CTNNA2: variants seen among roughly 807,000 people sequenced by gnomAD.
CTNNA2 encodes catenin alpha-2.
CTNNA2 carries 42 observed loss-of-function variants against 101.0 expected under a neutral mutation model. The observed-to-expected ratio is 0.42, with a 90% confidence interval of 0.32 to 0.54. The LOEUF (loss-of-function observed/expected upper bound fraction) is 0.54, where lower values mean the gene tolerates loss of function less well. CTNNA2 is among the 20% of genes least tolerant of loss of function. The pLI is 0.14. For missense variants in CTNNA2, 871 were observed against 1,223.1 expected (o/e 0.71, Z 4.29); for synonymous variants, 450 against 456.4 (o/e 0.99, Z 0.18).
intron 3 of CTNNA2, among the ~76,000 whole-genome samples, chr2:79,831,720 G>A (rs576101708): frequency 1.4e-5 from 2 of 147,650 alleles, no homozygotes; most frequent in East Asian, 2.0e-4. Flanking sequence ...TTTTGTTCTC[G>A]GTGTTTATTC....
At chr2:79,726,474 C>T (rs564938495) in intron 2 of CTNNA2, among the ~76,000 whole-genome samples, 18 of 152,186 alleles carry the variant, frequency 1.2e-4, no homozygotes, top group African/African-American at 3.1e-4. Context: ...CATACCAGCA[C>T]GAACCCTATT....
At chr2:80,368,482 T>C (rs1271119705) in intron 7 of CTNNA2, among the ~76,000 whole-genome samples, 2 of 151,772 alleles carry the variant, frequency 1.3e-5, no homozygotes, top group Non-Finnish European at 2.9e-5. Context: ...GAATGCACTA[T>C]ACACAGATGC....
chr2:80,506,008 CA>C, intron 9 of CTNNA2, among the ~76,000 whole-genome samples: 2 of 152,152 alleles, frequency 1.3e-5, no homozygotes, highest in East Asian at 3.9e-4. Flanking sequence ...CACGTATTCC[CA>C]AAAAAGTTAC....
chr2:79,881,345 G>A lies in CTNNA2; in HGVS notation c.852+7003G>A, dbSNP rs531539895. 5.9e-5 allele frequency among the ~76,000 whole-genome samples: 9 copies of A among 152,300 alleles called. No individual in the cohort carries two copies. The South Asian group carries it at 1.9e-3, about 32-fold the overall frequency. ...TTAGGTACACTTGATCCAGAGCTGA[G>A]TTCAGTCCTGAATATCTTTGTTAAT... is the stretch of plus-strand genomic sequence containing the variant. On this transcript the variant is annotated intron_variant, in intron 6 of 18. Coordinates refer to ENST00000402739, the MANE Select transcript of CTNNA2 (RefSeq NM_001282597.3).
intron 3 of CTNNA2, among the ~76,000 whole-genome samples, chr2:79,838,769 C>T (rs1454120563): frequency 6.6e-6 from 1 of 151,928 alleles, no homozygotes; most frequent in Non-Finnish European, 1.5e-5. Flanking sequence ...ATTGAAAATA[C>T]TGATGAGATT....
chr2:80,631,734 T>C (rs1672316806), intron 18 of CTNNA2, among the ~76,000 whole-genome samples: 2 of 152,214 alleles, frequency 1.3e-5, no homozygotes, highest in Non-Finnish European at 2.9e-5. Flanking sequence ...CAGTTGGAAC[T>C]GTGGTATATT....
intron 16 of CTNNA2, chr2:80,605,090 T>C (rs1373426578): frequency 6.6e-6 from 1 of 152,016 alleles, no homozygotes; most frequent in Admixed American, 6.6e-5. Context: ...GCATCAGAGA[T>C]AAATGAAATT....
intron 2 of CTNNA2, among the ~76,000 whole-genome samples, chr2:79,311,408 C>CAAAAAAAAAAAAAAAAAA (rs753633073): frequency 1.5e-5 from 1 of 67,060 alleles, no homozygotes; most frequent in African/African-American, 5.3e-5. Flanking sequence ...GACTCCGTCT[C>CAAAAAAAAAAAAAAAAAA]AAAAAAAAAA....
chr2:79,607,872 A>T (rs1268323450), intron 1 of CTNNA2, among the ~76,000 whole-genome samples: 2 of 152,128 alleles, frequency 1.3e-5, no homozygotes, highest in African/African-American at 4.8e-5. Flanking sequence ...AAGAAGGGCA[A>T]ATTAAACTAA....
intron 9 of CTNNA2, among the ~76,000 whole-genome samples, chr2:80,457,131 T>A (rs1283206804): frequency 1.3e-5 from 2 of 152,058 alleles, no homozygotes; most frequent in Non-Finnish European, 2.9e-5. Context: ...GGCGGTGATC[T>A]CGACTCACTG....
chr2:80,074,731 C>G (rs1039472877), intron 7 of CTNNA2, among the ~76,000 whole-genome samples: 15 of 152,116 alleles, frequency 9.9e-5, no homozygotes, highest in Non-Finnish European at 2.1e-4. Flanking sequence ...TTCAAATGGT[C>G]TATGCCAGAC....
At chr2:79,654,924 G>A (rs1197943760) in intron 2 of CTNNA2, among the ~76,000 whole-genome samples, 1 of 152,096 alleles carries the variant, frequency 6.6e-6, no homozygotes, top group Non-Finnish European at 1.5e-5. Flanking sequence ...CAAAATTGAG[G>A]ATAAACACTT....
chr2:80,376,144 T>C (rs1675930449), intron 7 of CTNNA2, among the ~76,000 whole-genome samples: 1 of 152,204 alleles, frequency 6.6e-6, no homozygotes. Context: ...TTTGATTTTT[T>C]TTCCCCTCAG....
At chr2:80,627,319 T>A (rs1293304361) in intron 18 of CTNNA2, among the ~76,000 whole-genome samples, 1 of 152,210 alleles carries the variant, frequency 6.6e-6, no homozygotes, top group African/African-American at 2.4e-5. Flanking sequence ...TTGAATTAGT[T>A]TATAGTTCCA....
rs529343470 is a variant in CTNNA2, at chr2:80,166,662, T to C, written c.1057-226549T>C. 2.6e-5 allele frequency among the ~76,000 whole-genome samples: 4 copies of C among 152,280 alleles called. No homozygotes were observed. The East Asian group carries it at 7.7e-4, about 29-fold the overall frequency. ...GAAGGTCATGGGAACCCCTGATTTA[T>C]AGCCAGTTGATCAGATGACAGGTCA... is the stretch of plus-strand genomic sequence containing the variant. On this transcript the variant is annotated intron_variant, in intron 7 of 18. Transcript: ENST00000402739.
rs184520584 is a variant in CTNNA2 at position 79,725,934 on chromosome 2, G to C, written c.103-18453G>C. Among the ~76,000 whole-genome samples the C allele has an allele frequency of 1.7e-3, 253 of 152,338 alleles. 2 individuals are homozygous for C. Among genetic ancestry groups the C allele is most frequent in the African/African-American group, 5.6e-3 (231 of 41,580 alleles). On this transcript the variant is annotated intron_variant, in intron 2 of 18. Coordinates refer to ENST00000402739, the MANE Select transcript of CTNNA2 (RefSeq NM_001282597.3). ...TAAGGAAATGCATGTGAATCCGGCT[G>C]TCTGGGCATTTGTCCCTCTGCCAGG... is the stretch of plus-strand genomic sequence containing the variant.
chr2:79,417,068 A>G (rs1489219995), intron 4 of CTNNA2, among the ~76,000 whole-genome samples: 3 of 152,164 alleles, frequency 2.0e-5, no homozygotes, highest in Non-Finnish European at 2.9e-5. Context: ...AATGTATGCC[A>G]TAAGTATACT....
Position 80,542,887 on chromosome 2 carries a change from C to G in CTNNA2, c.1291-2095C>G, listed in dbSNP as rs376104654. Among the ~76,000 whole-genome samples, 13 of 150,478 alleles carry G rather than the reference C, an allele frequency of 8.6e-5. No individual in the cohort carries two copies. In the South Asian group the frequency reaches 1.9e-3, roughly 22 times the overall value. ...CACTATCCTGATTTTTTCCCCCCCC[C>G]ACATGCCACTTTGGACAGGGGAAGC... On this transcript the variant is annotated intron_variant, in intron 9 of 18. Transcript: ENST00000402739.
rs765724567 is a variant in CTNNA2 at position 80,302,659 on chromosome 2, A to G, written c.1057-90552A>G. The G allele has an allele frequency of 6.2e-7, 1 of 1,609,960 alleles. No homozygotes were observed. The highest frequency in any genetic ancestry group is 1.1e-5 in the South Asian group (1 of 90,978). ...CCGCGAGCGTGGTGGCCGAGCTGGC[A>G]GGGGGCCCCAGATCACTGCGGTTGG... On this transcript the variant is annotated intron_variant, in intron 7 of 18. Transcript: ENST00000402739. The surrounding 1 kb of genome is among the most constrained non-coding windows in gnomAD (Gnocchi z 6.4).
Sources: gnomAD v4.1 joint callset for allele counts (sites outside exome capture counted in the v4.1 genomes callset) on GRCh38, gnomAD v4.1.1 for gene constraint, Gnocchi (gnomAD v3.1) non-coding constraint, MANE v1.5 for transcripts, NCBI Gene and HGNC (gene_info 2026-07-23, HGNC 2026-07-21) for gene names.